ERC1: variants seen among roughly 807,000 people sequenced by gnomAD.
ERC1 encodes RAB6 interacting protein 2.
Under a neutral mutation model 132.0 loss-of-function variants are expected in ERC1, and 56 were observed. The ratio of observed to expected loss-of-function variants is 0.42; its 90% CI spans 0.34 to 0.53. The LOEUF (loss-of-function observed/expected upper bound fraction) is 0.53, where lower values mean the gene tolerates loss of function less well. Among genes scored for constraint, ERC1 ranks in the 20% least tolerant of loss-of-function variants. The pLI is 0.03. For synonymous variants in ERC1, 478 were observed against 476.1 expected, an observed-to-expected ratio of 1.00 and a Z score of -0.05; for missense variants, 1,202 against 1,349.9, an observed-to-expected ratio of 0.89 and a Z score of 1.72.
intron 13 of ERC1, among the ~76,000 whole-genome samples, chr12:1,241,847 C>CTTTTTTTTTTTTTTTTTTTTTT (rs57016547): frequency 3.7e-5 from 3 of 80,490 alleles, no homozygotes; most frequent in African/African-American, 5.2e-5. Context: ...TCTTCTTCTT[C>CTTTTTTTTTTTTTTTTTTTTTT]TTTTTTTTTT....
At chr12:1,407,264 A>G (rs1008790204) in intron 16 of ERC1, among the ~76,000 whole-genome samples, 4 of 151,244 alleles carry the variant, frequency 2.6e-5, no homozygotes, top group Non-Finnish European at 4.4e-5. Flanking sequence ...TTGATGGTAT[A>G]AAGAAAAGCT....
chr12:1,250,630 T>G (rs1436563551), intron 13 of ERC1, among the ~76,000 whole-genome samples: 7 of 152,174 alleles, frequency 4.6e-5, no homozygotes. Flanking sequence ...TCTCTAAAAT[T>G]CTGTAGGCTA....
At position 1,370,694 on chromosome 12, in the gene ERC1, A is replaced by C. The variant is rs112080016; in HGVS notation, c.2781-1139A>C. Among the ~76,000 whole-genome samples, 24 of 152,000 alleles carry C rather than the reference A, an allele frequency of 1.6e-4. 1 individual carries two copies. The highest frequency in any genetic ancestry group is 5.6e-4 in the African/African-American group (23 of 41,244). ...TAAAATGAAATACTAAGTTCTTACT[A>C]ATATAGTTTTTTTTAAAAGGTTAAC... On this transcript the variant is annotated intron_variant, in intron 15 of 18. Coordinates refer to ENST00000360905, the MANE Select transcript of ERC1 (RefSeq NM_178040.4).
chr12:1,369,590 C>G (rs1415566640), intron 15 of ERC1, among the ~76,000 whole-genome samples: 1 of 152,204 alleles, frequency 6.6e-6, no homozygotes, highest in African/African-American at 2.4e-5. Context: ...AGTCTTTGAG[C>G]TTCCCGAAAG....
chr12:1,459,250 A>G (rs1433334087), intron 18 of ERC1, among the ~76,000 whole-genome samples: 1 of 152,216 alleles, frequency 6.6e-6, no homozygotes, highest in Admixed American at 6.5e-5. Context: ...CTATGAAATG[A>G]ACTTTGACAT....
At chr12:1,082,484 ATT>A (rs143154890) in intron 2 of ERC1, among the ~76,000 whole-genome samples, 9,823 of 113,488 alleles carry the variant, frequency 0.087, 571 homozygotes, top group Admixed American at 0.14. Context: ...AAAAAAAAAA[ATT>A]TTTTTTTTTT....
At chr12:1,004,401 C>CTTTTTTTTT (rs71055118) in intron 1 of ERC1, among the ~76,000 whole-genome samples, 30 of 95,026 alleles carry the variant, frequency 3.2e-4, no homozygotes, top group Non-Finnish European at 4.6e-4. Context: ...TTTTCTTTCT[C>CTTTTTTTTT]TTTTTTTTTT....
At chr12:1,007,482 C>G (rs1348912899) in intron 1 of ERC1, among the ~76,000 whole-genome samples, 1 of 147,426 alleles carries the variant, frequency 6.8e-6, no homozygotes, top group Non-Finnish European at 1.5e-5. Flanking sequence ...CTCTCTCTCT[C>G]TCTCTCTCTC....
At chr12:1,217,153 G>C (rs994872665) in intron 12 of ERC1, among the ~76,000 whole-genome samples, 1 of 152,012 alleles carries the variant, frequency 6.6e-6, no homozygotes, top group African/African-American at 2.4e-5. Flanking sequence ...TTTTTAAACA[G>C]TGAAAAAAGT....
chr12:1,120,212 T>G (rs542220412), intron 7 of ERC1, among the ~76,000 whole-genome samples: 1 of 152,210 alleles, frequency 6.6e-6, no homozygotes, highest in African/African-American at 2.4e-5. Flanking sequence ...CAGGATGTTC[T>G]TGAACTCCTG....
At chr12:1,371,163 G>A (rs2087179115) in intron 15 of ERC1, among the ~76,000 whole-genome samples, 1 of 150,700 alleles carries the variant, frequency 6.6e-6, no homozygotes, top group Non-Finnish European at 1.5e-5. Context: ...CGTAACTTAG[G>A]CTTTATGCCC....
intron 14 of ERC1, among the ~76,000 whole-genome samples, chr12:1,264,330 G>GCTCCCA (rs2077336591): frequency 6.6e-6 from 1 of 152,162 alleles, no homozygotes; most frequent in African/African-American, 2.4e-5. Context: ...ACAAGTGAAG[G>GCTCCCA]TTATAATCCC....
At chr12:1,412,748 T>C (rs1406309583) in intron 17 of ERC1, among the ~76,000 whole-genome samples, 1 of 152,194 alleles carries the variant, frequency 6.6e-6, no homozygotes, top group Non-Finnish European at 1.5e-5. Context: ...GAATAATGCC[T>C]ACTTCCTAGG....
intron 18 of ERC1, among the ~76,000 whole-genome samples, chr12:1,479,233 T>G (rs1365793659): frequency 2.6e-5 from 4 of 152,166 alleles, no homozygotes; most frequent in Admixed American, 2.6e-4. Context: ...TGTATAGCTT[T>G]GTTCTTGGTG....
At chr12:1,084,959 C>A (rs1942783311) in intron 3 of ERC1, among the ~76,000 whole-genome samples, 1 of 132,192 alleles carries the variant, frequency 7.6e-6, no homozygotes, top group Non-Finnish European at 1.6e-5. Flanking sequence ...TCCTTGGCTT[C>A]TGAAAGTGCT....
intron 13 of ERC1, among the ~76,000 whole-genome samples, chr12:1,241,672 A>G (rs2075799768): frequency 6.6e-6 from 1 of 152,116 alleles, no homozygotes; most frequent in East Asian, 1.9e-4. Flanking sequence ...ATAGATTTAA[A>G]GTACTCTTTC....
At chr12:1,465,145 C>G (rs2093719490) in intron 18 of ERC1, among the ~76,000 whole-genome samples, 1 of 152,074 alleles carries the variant, frequency 6.6e-6, no homozygotes, top group African/African-American at 2.4e-5. Flanking sequence ...TCTGTCATCG[C>G]CAGTGTCATC....
intron 15 of ERC1, among the ~76,000 whole-genome samples, chr12:1,297,184 T>C (rs1358620651): frequency 7.2e-6 from 1 of 139,818 alleles, no homozygotes; most frequent in Admixed American, 7.1e-5. Flanking sequence ...ACAATGGAAC[T>C]TCTTTCAGGG....
chr12:1,075,394 A>C (rs990559543), intron 2 of ERC1, among the ~76,000 whole-genome samples: 4 of 152,184 alleles, frequency 2.6e-5, no homozygotes, highest in Non-Finnish European at 5.9e-5. Context: ...AGAAAAGAAA[A>C]TGTTATTAAG....
Sources: allele counts gnomAD v4.1 joint callset (sites outside exome capture counted in the v4.1 genomes callset), GRCh38; gene constraint gnomAD v4.1.1; transcripts MANE v1.5; gene names NCBI Gene and HGNC (gene_info 2026-07-23, HGNC 2026-07-21).